Variants in ATXN1 observed in about 807,000 individuals in gnomAD.
ATXN1 encodes ataxin 1.
A neutral mutation model predicts 56.4 loss-of-function variants in ATXN1; 8 were observed. The ratio of observed to expected loss-of-function variants is 0.14; its 90% CI spans 0.08 to 0.26. The LOEUF (loss-of-function observed/expected upper bound fraction) is 0.26. Among genes scored for constraint, ATXN1 ranks in the 10% least tolerant of loss-of-function variants. The pLI is 1.00. For missense variants in ATXN1, 987 were observed against 1,106.5 expected (o/e 0.89, Z 1.53); for synonymous variants, 514 against 494.6 (o/e 1.04, Z -0.52).
chr6:16,575,914 T>C (rs1196928361), intron 4 of ATXN1, among the ~76,000 whole-genome samples: 3 of 152,156 alleles, frequency 2.0e-5, no homozygotes, highest in African/African-American at 4.8e-5. Context: ...TCAATGGGCA[T>C]ATAAAATTTC....
At chr6:16,702,152 A>T (rs1015097586) in intron 2 of ATXN1, among the ~76,000 whole-genome samples, 23 of 152,196 alleles carry the variant, frequency 1.5e-4, no homozygotes, top group African/African-American at 5.1e-4. Context: ...GACCAATGGA[A>T]CAGAACAGAG....
At chr6:16,316,363 A>G (rs1447515361) in intron 7 of ATXN1, among the ~76,000 whole-genome samples, 3 of 152,110 alleles carry the variant, frequency 2.0e-5, no homozygotes, top group East Asian at 1.9e-4. Flanking sequence ...TTACTTGTAT[A>G]TTTGTCTGTT....
chr6:16,335,875 G>C (rs1368438859), intron 6 of ATXN1, among the ~76,000 whole-genome samples: 1 of 152,244 alleles, frequency 6.6e-6, no homozygotes, highest in Non-Finnish European at 1.5e-5. Flanking sequence ...ACTAGAAGCA[G>C]CAAGAAGCAA....
intron 6 of ATXN1, among the ~76,000 whole-genome samples, chr6:16,334,367 T>C (rs1761064630): frequency 6.6e-6 from 1 of 152,156 alleles, no homozygotes; most frequent in Non-Finnish European, 1.5e-5. Flanking sequence ...AAAGTTTTTG[T>C]TTGACTATAC....
At chr6:16,628,179 G>A (rs1763440463) in intron 3 of ATXN1, among the ~76,000 whole-genome samples, 1 of 152,178 alleles carries the variant, frequency 6.6e-6, no homozygotes, top group Non-Finnish European at 1.5e-5. Flanking sequence ...GCCTATTAAT[G>A]CAGGTGGAAG....
At chr6:16,703,949 G>T (rs1181913392) in intron 2 of ATXN1, among the ~76,000 whole-genome samples, 2 of 152,338 alleles carry the variant, frequency 1.3e-5, no homozygotes, top group African/African-American at 4.8e-5. Flanking sequence ...AACCTGGGGG[G>T]TGGAGGTTGC....
Position 16,534,707 on chromosome 6 carries a change from C to A in ATXN1, c.-360-12019G>T, listed in dbSNP as rs148224743. Among the ~76,000 whole-genome samples the A allele has an allele frequency of 2.9e-3, 444 of 152,192 alleles. 1 individual carries two copies. The highest frequency in any genetic ancestry group is 4.9e-3 in the Non-Finnish European group (336 of 67,992). Reference sequence around the variant, plus strand: ...AACCCTACTTCCTACCTAAAATAAACCCAAGAAGCAAAGTCCTTCATTATT... The same window carrying A: ...AACCCTACTTCCTACCTAAAATAAAACCAAGAAGCAAAGTCCTTCATTATT... On this transcript the variant is annotated intron_variant, in intron 4 of 7. Transcript: ENST00000436367.
intron 6 of ATXN1, among the ~76,000 whole-genome samples, chr6:16,338,943 C>G (rs368086280): frequency 4.6e-5 from 7 of 152,256 alleles, no homozygotes; most frequent in African/African-American, 1.7e-4. Flanking sequence ...AGCACACAAG[C>G]AGAATAAACA....
chr6:16,660,212 G>C (rs1249452843), intron 2 of ATXN1, among the ~76,000 whole-genome samples: 2 of 152,122 alleles, frequency 1.3e-5, no homozygotes, highest in Non-Finnish European at 2.9e-5. Context: ...ACTGGCTTGG[G>C]TTTAATCTCT....
chr6:16,384,182 G>C (rs1758191548), intron 6 of ATXN1, among the ~76,000 whole-genome samples: 1 of 152,124 alleles, frequency 6.6e-6, no homozygotes, highest in African/African-American at 2.4e-5. Context: ...TGTTTTCTCT[G>C]ACTTCTCCAT....
At chr6:16,437,185 C>T (rs1400073092) in intron 6 of ATXN1, among the ~76,000 whole-genome samples, 1 of 152,222 alleles carries the variant, frequency 6.6e-6, no homozygotes, top group Non-Finnish European at 1.5e-5. Flanking sequence ...CAACAAAAAA[C>T]AGACCAGGTT....
intron 3 of ATXN1, among the ~76,000 whole-genome samples, chr6:16,617,165 C>T (rs1763230166): frequency 1.3e-5 from 2 of 152,106 alleles, no homozygotes; most frequent in South Asian, 2.1e-4. Flanking sequence ...ACAATTATAA[C>T]CAACACTGTA....
chr6:16,686,904 AT>A (rs952782714), intron 2 of ATXN1, among the ~76,000 whole-genome samples: 2 of 152,230 alleles, frequency 1.3e-5, no homozygotes, highest in Non-Finnish European at 2.9e-5. Flanking sequence ...TTTATAAAGT[AT>A]TTCAATGAAT....
intron 4 of ATXN1, among the ~76,000 whole-genome samples, chr6:16,533,618 G>A (rs369682491): frequency 2.6e-5 from 4 of 152,182 alleles, no homozygotes; most frequent in African/African-American, 9.6e-5. Context: ...AGGGACATAG[G>A]AAAGGGCAAA....
At chr6:16,321,390 G>C (rs1187512294) in intron 7 of ATXN1, among the ~76,000 whole-genome samples, 1 of 152,242 alleles carries the variant, frequency 6.6e-6, no homozygotes, top group African/African-American at 2.4e-5. Context: ...TGGCAAAGCA[G>C]CAACTCTCTT....
chr6:16,473,155 A>T (rs1760252993), intron 6 of ATXN1, among the ~76,000 whole-genome samples: 1 of 152,136 alleles, frequency 6.6e-6, no homozygotes, highest in Non-Finnish European at 1.5e-5. Flanking sequence ...GCAAATTATT[A>T]TCTGCATCGC....
chr6:16,703,241 A>G (rs1436082001), intron 2 of ATXN1, among the ~76,000 whole-genome samples: 3 of 152,042 alleles, frequency 2.0e-5, no homozygotes, highest in East Asian at 1.9e-4. Flanking sequence ...ACAAAAAACC[A>G]AACACCGCAT....
At chr6:16,673,998 T>C (rs768950846) in intron 2 of ATXN1, among the ~76,000 whole-genome samples, 3 of 152,132 alleles carry the variant, frequency 2.0e-5, no homozygotes, top group African/African-American at 7.2e-5. Flanking sequence ...AATGTGGTGG[T>C]CTGTGTTCTC....
At chr6:16,344,942 G>A (rs1171866445) in intron 6 of ATXN1, among the ~76,000 whole-genome samples, 2 of 152,196 alleles carry the variant, frequency 1.3e-5, no homozygotes, top group Non-Finnish European at 2.9e-5. Flanking sequence ...GTTTTCACGT[G>A]TTTTCGTCAT....
Sources: allele counts gnomAD v4.1 joint callset (sites outside exome capture counted in the v4.1 genomes callset), GRCh38; gene constraint gnomAD v4.1.1; transcripts MANE v1.5; gene names NCBI Gene and HGNC (gene_info 2026-07-23, HGNC 2026-07-21).